AASS: variants seen among roughly 807,000 people sequenced by gnomAD.
AASS encodes the protein alpha-aminoadipic semialdehyde synthase, mitochondrial.
In AASS, 86 loss-of-function variants were observed where a neutral mutation model predicts 105.4. The ratio of observed to expected loss-of-function variants is 0.82; its 90% CI spans 0.69 to 0.98. The LOEUF (loss-of-function observed/expected upper bound fraction) is 0.98. Among genes scored for constraint, AASS ranks in the 50% least tolerant of loss-of-function variants. The pLI is 0.00. For synonymous variants in AASS, 381 were observed against 394.8 expected, an observed-to-expected ratio of 0.96 and a Z score of 0.41; for missense variants, 1,048 against 1,143.2, an observed-to-expected ratio of 0.92 and a Z score of 1.20.
intron 1 of AASS, among the ~76,000 whole-genome samples, chr7:122,142,862 CGA>C (rs1350392926): frequency 6.6e-6 from 1 of 152,114 alleles, no homozygotes; most frequent in Admixed American, 6.5e-5. Flanking sequence ...GTCTGTTAAA[CGA>C]CTAGTGAGAA....
intron 6 of AASS, 41 bp downstream of exon 6, chr7:122,118,266 G>A (rs749972797): frequency 6.2e-7 from 1 of 1,611,010 alleles, no homozygotes; most frequent in Non-Finnish European, 8.5e-7. Flanking sequence ...TAGTTTCAAA[G>A]TTTTGGATTG....
intron 2 of AASS, among the ~76,000 whole-genome samples, chr7:122,133,207 G>A (rs1183763861): frequency 6.6e-6 from 1 of 152,090 alleles, no homozygotes; most frequent in African/African-American, 2.4e-5. Flanking sequence ...GAACATGACA[G>A]GCTTCTCTCA....
chr7:122,097,049 G>A (rs938669210), intron 15 of AASS, among the ~76,000 whole-genome samples: 3 of 151,936 alleles, frequency 2.0e-5, no homozygotes, highest in Admixed American at 6.6e-5. Flanking sequence ...AAAAATTAAC[G>A]CTCATAACAT....
intron 2 of AASS, 99 bp downstream of exon 2, chr7:122,133,418 A>T: frequency 7.7e-7 from 1 of 1,293,580 alleles, no homozygotes; most frequent in Non-Finnish European, 1.1e-6. Context: ...TAAAGAAATC[A>T]AAGTGACACT....
rs772239697 is a variant in AASS, at chr7:122,079,585, G to A, written c.2396+12C>T. 7 of 1,579,166 alleles carry A rather than the reference G, an allele frequency of 4.4e-6. No homozygotes were observed. The Admixed American group carries it at 1.2e-4, about 26-fold the overall frequency. ...AGTATATTTTGCTCTAAGTTGAGTG[G>A]TGGGTGCCTACCATTCAGCAGCCTC... On this transcript the variant is annotated intron_variant, in intron 21 of 23. Coordinates refer to ENST00000417368, the MANE Select transcript of AASS (RefSeq NM_005763.4).
rs545985414 is a variant in AASS, at chr7:122,110,769, T to G, written c.1278+2349A>C. ...CAAACTCAACAAAATAATGTGGAGA[T>G]ATATATATATATATATCTCCACAAC... is the stretch of plus-strand genomic sequence containing the variant. On this transcript the variant is annotated intron_variant, in intron 11 of 23. Transcript: ENST00000417368. Among the ~76,000 whole-genome samples, 17 of 149,876 alleles carry G rather than the reference T, an allele frequency of 1.1e-4. 1 individual carries two copies. The South Asian group carries it at 2.7e-3, about 24-fold the overall frequency.
intron 11 of AASS, among the ~76,000 whole-genome samples, chr7:122,104,639 G>T (rs1794582623): frequency 6.6e-6 from 1 of 152,060 alleles, no homozygotes. Context: ...TCTGGATGCA[G>T]ATGAAGGCCA....
At chr7:122,106,379 T>C (rs1794664104) in intron 11 of AASS, among the ~76,000 whole-genome samples, 2 of 152,044 alleles carry the variant, frequency 1.3e-5, no homozygotes, top group Non-Finnish European at 2.9e-5. Context: ...ACCCATGACA[T>C]TCTTCATAGA....
intron 15 of AASS, among the ~76,000 whole-genome samples, chr7:122,094,806 T>C (rs191759791): frequency 3.0e-4 from 45 of 152,024 alleles, no homozygotes; most frequent in African/African-American, 9.9e-4. Context: ...ATCAACACCA[T>C]GAAAGCCTAT....
chr7:122,109,927 T>C (rs569146077), intron 11 of AASS, among the ~76,000 whole-genome samples: 88 of 152,040 alleles, frequency 5.8e-4, no homozygotes, highest in African/African-American at 2.1e-3. Context: ...AAGGAAGTAA[T>C]ACTCAGAATA....
chr7:122,106,555 GAC>G (rs1186751839), intron 11 of AASS, among the ~76,000 whole-genome samples: 1 of 151,816 alleles, frequency 6.6e-6, no homozygotes, highest in African/African-American at 2.4e-5. Flanking sequence ...TACAAAACCA[GAC>G]ACAAAGACCA....
intron 1 of AASS, among the ~76,000 whole-genome samples, chr7:122,141,675 A>C (rs1426802288): frequency 5.3e-5 from 8 of 151,510 alleles, no homozygotes; most frequent in Non-Finnish European, 4.4e-5. Flanking sequence ...AAAAAAAAAA[A>C]AAAAAAAAAA....
intron 9 of AASS, among the ~76,000 whole-genome samples, chr7:122,113,985 G>C (rs1319879533): frequency 6.6e-6 from 1 of 151,000 alleles, no homozygotes; most frequent in African/African-American, 2.4e-5. Flanking sequence ...GCAGAAAATT[G>C]CTTTCCTAGA....
chr7:122,099,359 T>A (rs369044544), intron 13 of AASS, among the ~76,000 whole-genome samples: 42 of 151,918 alleles, frequency 2.8e-4, no homozygotes, highest in African/African-American at 8.9e-4. Flanking sequence ...TTGTCATATA[T>A]CTTTAGAGTC....
Position 122,101,356 on chromosome 7 carries a change from T to G in AASS, c.1406+15A>C. On this transcript the variant is annotated intron_variant, in intron 13 of 23. Transcript: ENST00000417368. ...GAATAAATGTATAAAACAAGAGGAT[T>G]TGAACAATACTTACCTGCTCTCCCG... The G allele has an allele frequency of 6.3e-7, 1 of 1,586,162 alleles. No individual in the cohort carries two copies. The highest frequency in any genetic ancestry group is 1.1e-5 in the South Asian group (1 of 90,524).
intron 1 of AASS, among the ~76,000 whole-genome samples, chr7:122,135,093 G>A (rs1796082389): frequency 6.6e-6 from 1 of 151,968 alleles, no homozygotes; most frequent in African/African-American, 2.4e-5. Context: ...TTGGACACAG[G>A]GTGGGGAACA....
intron 19 of AASS, 32 bp from the exon 20 acceptor site, chr7:122,081,627 A>T: frequency 6.6e-7 from 1 of 1,507,846 alleles, no homozygotes; most frequent in East Asian, 2.3e-5. Context: ...AGTATATAAA[A>T]TTTTTCTCTT....
chr7:122,126,958 C>G (rs1184457856), intron 3 of AASS, among the ~76,000 whole-genome samples: 1 of 152,176 alleles, frequency 6.6e-6, no homozygotes, highest in Non-Finnish European at 1.5e-5. Context: ...TCTAAGTACA[C>G]TCAGGTCTCT....
intron 6 of AASS, among the ~76,000 whole-genome samples, chr7:122,117,791 G>C (rs1482427557): frequency 2.0e-5 from 3 of 152,022 alleles, no homozygotes; most frequent in South Asian, 2.1e-4. Context: ...TAGTAGCCGG[G>C]ATTATGGGTG....
Sources: gnomAD v4.1 joint callset for allele counts (sites outside exome capture counted in the v4.1 genomes callset) on GRCh38, gnomAD v4.1.1 for gene constraint, MANE v1.5 for transcripts, NCBI Gene and HGNC (gene_info 2026-07-23, HGNC 2026-07-21) for gene names.